Variants in LINGO2 observed in about 807,000 individuals in gnomAD.
LINGO2 encodes the protein leucine rich repeat and Ig domain containing 2.
In LINGO2, 14 loss-of-function variants were observed where a neutral mutation model predicts 30.6. The observed-to-expected ratio is 0.46, with a 90% confidence interval of 0.30 to 0.72. The LOEUF (loss-of-function observed/expected upper bound fraction) is 0.72, where lower values mean the gene tolerates loss of function less well. LINGO2 is among the 30% of genes least tolerant of loss of function. The pLI is 0.07. For missense variants in LINGO2, 729 were observed against 751.7 expected (o/e 0.97, Z 0.35); for synonymous variants, 317 against 288.5 (o/e 1.10, Z -1.00).
the LINGO2 span, among the ~76,000 whole-genome samples, chr9:29,146,637 G>A: frequency 1.3e-5 from 2 of 152,240 alleles, no homozygotes; most frequent in South Asian, 4.1e-4. Flanking sequence ...TGTGGCAGAA[G>A]TAAGGGAAAG....
At chr9:28,354,106 A>T (rs1037134815) in intron 3 of LINGO2, among the ~76,000 whole-genome samples, 22 of 152,108 alleles carry the variant, frequency 1.4e-4, no homozygotes, top group African/African-American at 5.1e-4. Context: ...TACATATGTA[A>T]CTAACCTGCA....
At chr9:28,086,550 C>G (rs1825921219) in intron 4 of LINGO2, among the ~76,000 whole-genome samples, 1 of 151,998 alleles carries the variant, frequency 6.6e-6, no homozygotes, top group African/African-American at 2.4e-5. Context: ...ATTTCTCCTG[C>G]CTAATGAAAG....
chr9:28,288,291 C>T (rs564914020), intron 4 of LINGO2, among the ~76,000 whole-genome samples: 106 of 152,228 alleles, frequency 7.0e-4, no homozygotes, highest in African/African-American at 2.5e-3. Context: ...TTTATTTTTA[C>T]ATAATGGCGA....
At chr9:28,350,259 C>T (rs929480316) in intron 3 of LINGO2, among the ~76,000 whole-genome samples, 3 of 138,810 alleles carry the variant, frequency 2.2e-5, no homozygotes, top group African/African-American at 8.3e-5. Flanking sequence ...AAACCCATCT[C>T]ACATGCAGAG....
intron 4 of LINGO2, among the ~76,000 whole-genome samples, chr9:28,248,037 T>C (rs745769986): frequency 2.6e-5 from 4 of 152,180 alleles, no homozygotes; most frequent in Non-Finnish European, 5.9e-5. Flanking sequence ...ACCACTATGG[T>C]GAACAGTTTG....
the LINGO2 span, among the ~76,000 whole-genome samples, chr9:28,839,733 T>C: frequency 6.6e-6 from 1 of 152,194 alleles, no homozygotes; most frequent in South Asian, 2.1e-4. Context: ...GTTCTCACTT[T>C]GGTCTGCGTA....
chr9:28,103,838 C>T (rs1048609368), intron 4 of LINGO2, among the ~76,000 whole-genome samples: 5 of 152,086 alleles, frequency 3.3e-5, no homozygotes, highest in Admixed American at 2.0e-4. Context: ...CTTTTGAATA[C>T]CCAGAGAGTT....
chr9:28,362,006 T>C lies in LINGO2; in HGVS notation c.-246+10830A>G, dbSNP rs564999318. On this transcript the variant is annotated intron_variant, in intron 3 of 5. Coordinates refer to ENST00000379992, the Ensembl canonical transcript of LINGO2. ...ACATAGGCCATTGTTTCTCCAAAGG[T>C]GGTAGAGTACTGTCTGAATCTGAAT... Among the ~76,000 whole-genome samples the C allele has an allele frequency of 2.0e-5, 3 of 152,312 alleles. No homozygotes were observed. In the East Asian group the frequency reaches 5.8e-4, roughly 29 times the overall value.
the LINGO2 span, among the ~76,000 whole-genome samples, chr9:28,699,434 T>C: frequency 2.2e-4 from 33 of 152,204 alleles, no homozygotes; most frequent in African/African-American, 7.2e-4. Context: ...AATCCTGTTA[T>C]CTTTGTAAGC....
intron 1 of LINGO2, among the ~76,000 whole-genome samples, chr9:28,553,579 A>G (rs1448649308): frequency 1.3e-5 from 2 of 152,236 alleles, no homozygotes; most frequent in East Asian, 3.9e-4. Flanking sequence ...ACTCTGCAGG[A>G]TATTATCCAG....
At chr9:28,189,336 GAA>G (rs1819680227) in intron 4 of LINGO2, among the ~76,000 whole-genome samples, 1 of 64,908 alleles carries the variant, frequency 1.5e-5, no homozygotes, top group Non-Finnish European at 3.2e-5. Context: ...AGGGAGGAAG[GAA>G]GGAAGGGAGG....
intron 3 of LINGO2, among the ~76,000 whole-genome samples, chr9:28,298,809 G>C (rs906278395): frequency 1.1e-4 from 16 of 152,170 alleles, no homozygotes; most frequent in Admixed American, 3.3e-4. Context: ...TAGGGGCATG[G>C]CATACAGAAG....
At chr9:28,982,667 T>A in the LINGO2 span, among the ~76,000 whole-genome samples, 1 of 152,174 alleles carries the variant, frequency 6.6e-6, no homozygotes, top group East Asian at 1.9e-4. Flanking sequence ...AATATATGAA[T>A]CATTACCTTA....
chr9:28,269,448 C>G (rs1822866017), intron 4 of LINGO2, among the ~76,000 whole-genome samples: 1 of 152,188 alleles, frequency 6.6e-6, no homozygotes, highest in African/African-American at 2.4e-5. Flanking sequence ...TTTTAATTTT[C>G]ACTTAAATGT....
the LINGO2 span, among the ~76,000 whole-genome samples, chr9:28,716,761 C>A: frequency 6.6e-6 from 1 of 151,872 alleles, no homozygotes; most frequent in African/African-American, 2.4e-5. Context: ...TATAGCAACC[C>A]AAAATTTTTA....
chr9:28,926,576 T>C, the LINGO2 span, among the ~76,000 whole-genome samples: 1 of 152,182 alleles, frequency 6.6e-6, no homozygotes, highest in Non-Finnish European at 1.5e-5. Flanking sequence ...CACAAGGATA[T>C]ACAGATTTGT....
At chr9:27,941,431 AAAAAGAAAAG>A in the LINGO2 span, 1 of 152,268 alleles carries the variant, frequency 6.6e-6, no homozygotes, top group Non-Finnish European at 1.5e-5. Flanking sequence ...GTGAGACTCA[AAAAAGAAAAG>A]AAAAGAAAAG....
chr9:28,456,344 C>T (rs966085176), intron 2 of LINGO2, among the ~76,000 whole-genome samples: 1 of 152,210 alleles, frequency 6.6e-6, no homozygotes, highest in Admixed American at 6.5e-5. Context: ...TGCTTCTATA[C>T]TGGATTGACT....
intron 4 of LINGO2, among the ~76,000 whole-genome samples, chr9:28,233,156 C>T (rs944531189): frequency 2.1e-5 from 3 of 143,066 alleles, no homozygotes; most frequent in East Asian, 2.1e-4. Flanking sequence ...TGTGTGTGTG[C>T]GTATCTGTGT....
Sources: gnomAD v4.1 joint callset for allele counts (sites outside exome capture counted in the v4.1 genomes callset) on GRCh38, gnomAD v4.1.1 for gene constraint, MANE v1.5 for transcripts, NCBI Gene and HGNC (gene_info 2026-07-23, HGNC 2026-07-21) for gene names.